Variants in OXR1 observed in about 807,000 individuals in gnomAD.
The protein encoded by OXR1 is oxidation resistance 1, also known as oxidation resistance protein 1.
A neutral mutation model predicts 104.6 loss-of-function variants in OXR1; 41 were observed. The ratio of observed to expected loss-of-function variants is 0.39; its 90% CI spans 0.31 to 0.51. OXR1 has a LOEUF of 0.51. OXR1 is among the 20% of genes least tolerant of loss of function. OXR1 has a pLI of 0.77. For missense variants in OXR1, 955 were observed against 1,031.9 expected (o/e 0.93, Z 1.02); for synonymous variants, 348 against 348.4 (o/e 1.00, Z 0.01).
chr8:106,323,308 G>A (rs187155806), intron 1 of OXR1, among the ~76,000 whole-genome samples: 44 of 152,284 alleles, frequency 2.9e-4, no homozygotes, highest in African/African-American at 9.6e-4. Flanking sequence ...TTCAATAAAT[G>A]GTGCTGGGAT....
intron 3 of OXR1, among the ~76,000 whole-genome samples, chr8:106,556,448 G>T (rs1816291514): frequency 6.6e-6 from 1 of 152,130 alleles, no homozygotes; most frequent in Non-Finnish European, 1.5e-5. Flanking sequence ...ATGATAAGAA[G>T]CCAGTCATGT....
At chr8:106,745,938 T>A in intron 16 of OXR1, 76 bp downstream of exon 16, 1 of 816,228 alleles carries the variant, frequency 1.2e-6, no homozygotes, top group Non-Finnish European at 2.1e-6. Context: ...ATAAATTCAG[T>A]TGTCTTTAGA....
chr8:106,599,381 A>G (rs903490090), intron 3 of OXR1, among the ~76,000 whole-genome samples: 2 of 152,198 alleles, frequency 1.3e-5, no homozygotes, highest in Non-Finnish European at 1.5e-5. Flanking sequence ...CCTGAATTCA[A>G]TATTTCATGA....
Position 106,611,979 on chromosome 8 carries a change from G to T in OXR1, c.221-67231G>T, listed in dbSNP as rs562557412. ...GGTCATTCTGTTTTTCGTGAGAACT[G>T]CCTTATTTCCAGGATTAATTCTGTA... On this transcript the variant is annotated intron_variant, in intron 3 of 16. Coordinates refer to ENST00000517566, the MANE Select transcript of OXR1 (RefSeq NM_001198533.2). Among the ~76,000 whole-genome samples, 24 of 151,712 alleles carry T rather than the reference G, an allele frequency of 1.6e-4. No homozygotes were observed. The East Asian group carries it at 4.3e-3, about 27-fold the overall frequency.
At chr8:106,729,313 C>G (rs2131510502) in intron 11 of OXR1, among the ~76,000 whole-genome samples, 1 of 152,200 alleles carries the variant, frequency 6.6e-6, no homozygotes, top group Admixed American at 6.5e-5. Flanking sequence ...CTTTGCCATA[C>G]TTGCCCTCAA....
At chr8:106,571,552 C>T (rs1002883969) in intron 3 of OXR1, among the ~76,000 whole-genome samples, 1 of 152,160 alleles carries the variant, frequency 6.6e-6, no homozygotes, top group Non-Finnish European at 1.5e-5. Flanking sequence ...CAGCATTCCT[C>T]CCCTGACCTT....
At chr8:106,691,963 ATGTG>A (rs1208139618) in intron 6 of OXR1, among the ~76,000 whole-genome samples, 1 of 140,968 alleles carries the variant, frequency 7.1e-6, no homozygotes, top group Non-Finnish European at 1.5e-5. Context: ...AAGCGTATAT[ATGTG>A]TGTGTGTGTC....
intron 1 of OXR1, among the ~76,000 whole-genome samples, chr8:106,294,145 G>A (rs1416883751): frequency 6.6e-6 from 1 of 151,898 alleles, no homozygotes; most frequent in African/African-American, 2.4e-5. Flanking sequence ...AGTCCCGTCT[G>A]TATTCCTGGC....
chr8:106,520,734 C>T (rs1813193551), intron 3 of OXR1, among the ~76,000 whole-genome samples: 1 of 152,212 alleles, frequency 6.6e-6, no homozygotes, highest in African/African-American at 2.4e-5. Context: ...CCAATTACCA[C>T]TATCCTTCTC....
chr8:106,693,377 G>T (rs937866210), intron 7 of OXR1, among the ~76,000 whole-genome samples: 1 of 151,398 alleles, frequency 6.6e-6, no homozygotes, highest in Admixed American at 6.6e-5. Flanking sequence ...AAGGTTAATA[G>T]GTCCAAGATC....
chr8:106,445,255 A>G (rs757868907), intron 2 of OXR1, among the ~76,000 whole-genome samples: 3 of 152,226 alleles, frequency 2.0e-5, no homozygotes, highest in Non-Finnish European at 4.4e-5. Context: ...AAGAGGCTTT[A>G]TGTAGCATGA....
intron 2 of OXR1, among the ~76,000 whole-genome samples, chr8:106,457,314 G>T (rs913174427): frequency 6.6e-6 from 1 of 152,148 alleles, no homozygotes; most frequent in Non-Finnish European, 1.5e-5. Flanking sequence ...TCTACCTTCT[G>T]TCATGGGATG....
At chr8:106,556,521 G>A (rs1327400542) in intron 3 of OXR1, among the ~76,000 whole-genome samples, 1 of 152,132 alleles carries the variant, frequency 6.6e-6, no homozygotes, top group Non-Finnish European at 1.5e-5. Context: ...GTGTGTGTGA[G>A]CTGGGTGGAA....
intron 3 of OXR1, among the ~76,000 whole-genome samples, chr8:106,655,295 C>T (rs1481501990): frequency 2.7e-5 from 4 of 149,576 alleles, no homozygotes; most frequent in Admixed American, 6.7e-5. Context: ...ACTTAAATTA[C>T]ATATGAATAA....
At chr8:106,347,856 G>A (rs1271905012) in intron 1 of OXR1, among the ~76,000 whole-genome samples, 1 of 151,986 alleles carries the variant, frequency 6.6e-6, no homozygotes, top group Non-Finnish European at 1.5e-5. Flanking sequence ...TTCTTAAGTA[G>A]GTAAATAATA....
At chr8:106,590,977 A>G (rs1819035571) in intron 3 of OXR1, among the ~76,000 whole-genome samples, 1 of 152,082 alleles carries the variant, frequency 6.6e-6, no homozygotes, top group African/African-American at 2.4e-5. Context: ...AGATAAGTAC[A>G]TAGTTAGATA....
chr8:106,538,857 A>T (rs976487783), intron 3 of OXR1, among the ~76,000 whole-genome samples: 1 of 152,188 alleles, frequency 6.6e-6, no homozygotes, highest in Non-Finnish European at 1.5e-5. Context: ...AAAAGTATGG[A>T]ACTGCATATG....
At position 106,608,671 on chromosome 8, in the gene OXR1, T is replaced by A. The variant is rs75020044; in HGVS notation, c.221-70539T>A. ...ATAATCTTGATAAATCTGTTCTTTG[T>A]CATTAGAGATCAACTCTCAGTACCC... is the stretch of plus-strand genomic sequence containing the variant. On this transcript the variant is annotated intron_variant, in intron 3 of 16. Transcript: ENST00000517566. 1.4e-3 allele frequency among the ~76,000 whole-genome samples: 217 copies of A among 152,290 alleles called. 3 individuals are homozygous for A. In the East Asian group the frequency reaches 0.04, roughly 28 times the overall value.
At chr8:106,471,205 G>A (rs12678499) in intron 2 of OXR1, among the ~76,000 whole-genome samples, 21,917 of 151,380 alleles carry the variant, frequency 0.14, 1,967 homozygotes, top group East Asian at 0.42. Context: ...AGAGGAGAGA[G>A]GGGAAATTAT....
Sources: gnomAD v4.1 joint callset for allele counts (sites outside exome capture counted in the v4.1 genomes callset) on GRCh38, gnomAD v4.1.1 for gene constraint, MANE v1.5 for transcripts, NCBI Gene and HGNC (gene_info 2026-07-23, HGNC 2026-07-21) for gene names.